The following SLC22A3 variants were observed in gnomAD, a reference collection of about 807,000 sequenced individuals.
The protein encoded by SLC22A3 is solute carrier family 22 member 3, also known as EMT organic cation transporter 3.
Under a neutral mutation model 59.1 loss-of-function variants are expected in SLC22A3, and 51 were observed. The ratio of observed to expected loss-of-function variants is 0.86; its 90% CI spans 0.69 to 1.09. The LOEUF is 1.09. Ranked by LOEUF, SLC22A3 falls within the 50% of genes least tolerant of loss-of-function variation. SLC22A3 has a pLI of 0.00. For synonymous variants in SLC22A3, 325 were observed against 292.0 expected, an observed-to-expected ratio of 1.11 and a Z score of -1.15; for missense variants, 711 against 726.3, an observed-to-expected ratio of 0.98 and a Z score of 0.24.
chr6:160,392,188 C>T (rs1320562787), intron 1 of SLC22A3, among the ~76,000 whole-genome samples: 1 of 152,098 alleles, frequency 6.6e-6, no homozygotes, highest in Non-Finnish European at 1.5e-5. Context: ...CAGTCATGTG[C>T]CAGGCAGAAC....
chr6:160,424,371 G>A (rs1014414021), intron 5 of SLC22A3, among the ~76,000 whole-genome samples: 1 of 152,172 alleles, frequency 6.6e-6, no homozygotes, highest in African/African-American at 2.4e-5. Context: ...TCATTATGTG[G>A]TCTCAAAGAA....
At chr6:160,401,325 C>T (rs1371896410) in intron 2 of SLC22A3, among the ~76,000 whole-genome samples, 1 of 151,694 alleles carries the variant, frequency 6.6e-6, no homozygotes, top group Non-Finnish European at 1.5e-5. Context: ...TAATGTCTTA[C>T]TATAGTAAAA....
intron 5 of SLC22A3, among the ~76,000 whole-genome samples, chr6:160,420,292 A>G (rs1229099721): frequency 6.6e-6 from 1 of 152,230 alleles, no homozygotes; most frequent in African/African-American, 2.4e-5. Flanking sequence ...GGGATGCCTC[A>G]TCAGACAGCA....
chr6:160,394,141 G>GA (rs1196163331), intron 1 of SLC22A3, among the ~76,000 whole-genome samples: 3 of 151,892 alleles, frequency 2.0e-5, no homozygotes, highest in East Asian at 1.9e-4. Flanking sequence ...TGTATACTTT[G>GA]AAAAAAAATA....
intron 1 of SLC22A3, among the ~76,000 whole-genome samples, chr6:160,377,113 T>C (rs888343310): frequency 6.6e-6 from 1 of 152,144 alleles, no homozygotes; most frequent in East Asian, 1.9e-4. Context: ...GATCTTTCCA[T>C]GGGCAGAGCT....
chr6:160,382,607 C>G (rs1332294360), intron 1 of SLC22A3, among the ~76,000 whole-genome samples: 2 of 152,138 alleles, frequency 1.3e-5, no homozygotes, highest in Non-Finnish European at 2.9e-5. Flanking sequence ...TAGGCCCTGT[C>G]CTCTGATATA....
chr6:160,450,849 C>T, intron 10 of SLC22A3, 147 bp from the exon 11 acceptor site: 1 of 777,796 alleles, frequency 1.3e-6, no homozygotes, highest in Non-Finnish European at 2.1e-6. Context: ...AAAAATGATC[C>T]TGGAGACAGA....
intron 5 of SLC22A3, chr6:160,425,921 G>T (rs748640855): frequency 6.0e-5 from 59 of 985,310 alleles, no homozygotes; most frequent in Non-Finnish European, 6.9e-5. Context: ...TTCAGGATTG[G>T]AATTCCAGAG....
chr6:160,377,331 G>A (rs554926599), intron 1 of SLC22A3, among the ~76,000 whole-genome samples: 4 of 151,928 alleles, frequency 2.6e-5, no homozygotes, highest in Admixed American at 1.3e-4. Context: ...CTAAAAATAC[G>A]AAAATTAGCT....
intron 5 of SLC22A3, among the ~76,000 whole-genome samples, chr6:160,433,712 A>C (rs1179798596): frequency 6.6e-6 from 1 of 151,990 alleles, no homozygotes; most frequent in African/African-American, 2.4e-5. Flanking sequence ...ATCTCAAAAA[A>C]AATTTTTTTA....
intron 1 of SLC22A3, among the ~76,000 whole-genome samples, chr6:160,395,308 C>G (rs1233873086): frequency 1.3e-5 from 2 of 152,162 alleles, no homozygotes; most frequent in Non-Finnish European, 2.9e-5. Context: ...CAGCTGAATA[C>G]ATGTATTAAA....
At chr6:160,408,158 A>G (rs956480769) in intron 3 of SLC22A3, among the ~76,000 whole-genome samples, 7 of 152,228 alleles carry the variant, frequency 4.6e-5, no homozygotes, top group African/African-American at 1.7e-4. Context: ...TGAGAAACCA[A>G]TTAGTGGGAA....
chr6:160,419,239 G>A (rs916402351), intron 5 of SLC22A3, among the ~76,000 whole-genome samples: 1 of 152,116 alleles, frequency 6.6e-6, no homozygotes, highest in Non-Finnish European at 1.5e-5. Flanking sequence ...ATAATTTAAT[G>A]AGCAGTCACA....
Position 160,408,827 on chromosome 6 carries a change from A to G in SLC22A3, c.763A>G (p.Ile255Val). The G allele has an allele frequency of 6.2e-7, 1 of 1,613,832 alleles. No homozygotes were observed. The highest frequency in any genetic ancestry group is 8.5e-7 in the Non-Finnish European group (1 of 1,179,840). ...VIQMFFTLGI[I>V]ILPGIAYFIP... is the part of the protein sequence containing the mutation. ...TCAAATGTTCTTTACCCTTGGAATC[A>G]TAATTCTCCCTGGAATTGCCTACTT... The change falls in exon 4 of 11, where the codon ATA (isoleucine) becomes GTA (valine). Residue 255 changes from isoleucine to valine, a missense_variant. Transcript: ENST00000275300.
At chr6:160,432,554 A>C (rs562571546) in intron 5 of SLC22A3, among the ~76,000 whole-genome samples, 4 of 151,542 alleles carry the variant, frequency 2.6e-5, no homozygotes, top group South Asian at 2.1e-4. Flanking sequence ...CAGCCTCCCG[A>C]GTAGCTGGGA....
chr6:160,363,039 G>A lies in SLC22A3; in HGVS notation c.429+14191G>A, dbSNP rs545854899. Reference sequence around the variant, plus strand: ...AGAGCTGAGGCTGGGCTGGGCTCCCGGGGACTCGGGCAGCTATTTCAGGCA... The same window carrying A: ...AGAGCTGAGGCTGGGCTGGGCTCCCAGGGACTCGGGCAGCTATTTCAGGCA... On this transcript the variant is annotated intron_variant, in intron 1 of 10. Coordinates refer to ENST00000275300, the MANE Select transcript of SLC22A3 (RefSeq NM_021977.4). Among the ~76,000 whole-genome samples the A allele has an allele frequency of 2.0e-5, 3 of 152,314 alleles. No homozygotes were observed. The South Asian group carries it at 6.2e-4, about 32-fold the overall frequency.
At chr6:160,433,697 AC>A (rs1788238152) in intron 5 of SLC22A3, among the ~76,000 whole-genome samples, 1 of 152,008 alleles carries the variant, frequency 6.6e-6, no homozygotes, top group African/African-American at 2.4e-5. Context: ...ACAGAGAGAG[AC>A]CCTATCTCAA....
At chr6:160,372,262 AAAG>A (rs1785427292) in intron 1 of SLC22A3, among the ~76,000 whole-genome samples, 1 of 152,010 alleles carries the variant, frequency 6.6e-6, no homozygotes, top group Non-Finnish European at 1.5e-5. Flanking sequence ...TTGTTGGTTT[AAAG>A]TCTGTTATAT....
intron 10 of SLC22A3, among the ~76,000 whole-genome samples, chr6:160,449,915 C>T (rs1488277081): frequency 1.3e-5 from 2 of 152,024 alleles, no homozygotes; most frequent in Non-Finnish European, 2.9e-5. Flanking sequence ...GGAGTAGGTA[C>T]AAAGATCACA....
Sources: allele counts gnomAD v4.1 joint callset (sites outside exome capture counted in the v4.1 genomes callset), GRCh38; gene constraint gnomAD v4.1.1; transcripts MANE v1.5; gene names NCBI Gene and HGNC (gene_info 2026-07-23, HGNC 2026-07-21).